ROBO2: variants seen among roughly 807,000 people sequenced by gnomAD.
ROBO2 encodes roundabout homolog 2.
ROBO2 carries 53 observed loss-of-function variants against 160.8 expected under a neutral mutation model. That is an observed-to-expected ratio of 0.33 (90% CI 0.26 to 0.41). ROBO2 has a LOEUF of 0.41. Among genes scored for constraint, ROBO2 ranks in the 10% least tolerant of loss-of-function variants. The pLI is 1.00. For synonymous variants in ROBO2, 664 were observed against 611.7 expected, an observed-to-expected ratio of 1.09 and a Z score of -1.26; for missense variants, 1,577 against 1,722.4, an observed-to-expected ratio of 0.92 and a Z score of 1.49.
rs113141961 is a variant in ROBO2 at position 76,872,508 on chromosome 3, C to T, written c.110-225506C>T. 1.0e-3 allele frequency among the ~76,000 whole-genome samples: 153 copies of T among 151,846 alleles called. 2 individuals are homozygous for T. The highest frequency in any genetic ancestry group is 3.4e-3 in the African/African-American group (143 of 41,470). ...ATTAGAAAGAGATACATAAAGTGCT[C>T]AAGAAATATATTATTTAAATTCTTA... is the stretch of plus-strand genomic sequence containing the variant. On this transcript the variant is annotated intron_variant, in intron 2 of 26. Coordinates refer to the ROBO2 transcript ENST00000487694.
chr3:76,593,799 T>C (rs1250992704), intron 2 of ROBO2, among the ~76,000 whole-genome samples: 1 of 152,012 alleles, frequency 6.6e-6, no homozygotes, highest in Non-Finnish European at 1.5e-5. Flanking sequence ...CATGTTTATT[T>C]ATTATATTTT....
intron 2 of ROBO2, among the ~76,000 whole-genome samples, chr3:76,455,539 A>G (rs1370430365): frequency 6.6e-6 from 1 of 152,060 alleles, no homozygotes; most frequent in Non-Finnish European, 1.5e-5. Context: ...TTAAAAATTA[A>G]TTATCCTCCA....
chr3:76,602,967 G>A lies in ROBO2; in HGVS notation c.110-495047G>A, dbSNP rs114155951. ...TCTAATCTTCTATTTCCTCTCTAACGTGCTCTCAAAGTACTTTAACTTTCC... is the reference window on the plus strand; with the variant it reads ...TCTAATCTTCTATTTCCTCTCTAACATGCTCTCAAAGTACTTTAACTTTCC... On this transcript the variant is annotated intron_variant, in intron 2 of 26. Coordinates refer to the ROBO2 transcript ENST00000487694. Among the ~76,000 whole-genome samples the A allele has an allele frequency of 2.2e-3, 333 of 152,122 alleles. 2 individuals are homozygous for A. Among genetic ancestry groups the A allele is most frequent in the African/African-American group, 7.9e-3 (327 of 41,494 alleles).
chr3:77,078,123 C>T (rs931704017), intron 1 of ROBO2, among the ~76,000 whole-genome samples: 2 of 152,090 alleles, frequency 1.3e-5, no homozygotes, highest in African/African-American at 2.4e-5. Flanking sequence ...GTATACACCT[C>T]AATGCAGCAC....
intron 2 of ROBO2, among the ~76,000 whole-genome samples, chr3:76,290,628 A>G (rs528348341): frequency 6.6e-6 from 1 of 152,170 alleles, no homozygotes; most frequent in African/African-American, 2.4e-5. Flanking sequence ...TCCAGGTGTC[A>G]TCTGTTCAGC....
intron 2 of ROBO2, among the ~76,000 whole-genome samples, chr3:76,075,942 G>T (rs973738316): frequency 2.0e-5 from 3 of 152,220 alleles, no homozygotes; most frequent in Admixed American, 1.3e-4. Flanking sequence ...TTCAAATTCA[G>T]AGCTGTCCAA....
intron 2 of ROBO2, among the ~76,000 whole-genome samples, chr3:76,119,914 C>CCCCCT (rs1576937499): frequency 1.0e-5 from 1 of 95,484 alleles, no homozygotes; most frequent in African/African-American, 4.3e-5. Flanking sequence ...CCTTCCCTCC[C>CCCCCT]TCCCTTCCTT....
At chr3:76,056,423 A>G (rs1419612555) in intron 2 of ROBO2, among the ~76,000 whole-genome samples, 1 of 152,150 alleles carries the variant, frequency 6.6e-6, no homozygotes, top group Non-Finnish European at 1.5e-5. Flanking sequence ...TCTTTAAAAA[A>G]TGGTGCGTTT....
chr3:77,398,688 C>T (rs1444396405), intron 2 of ROBO2, among the ~76,000 whole-genome samples: 1 of 151,896 alleles, frequency 6.6e-6, no homozygotes, highest in Non-Finnish European at 1.5e-5. Context: ...CTCAAGTGAT[C>T]CTTCCATCTC....
chr3:77,289,841 A>G (rs868189468), intron 2 of ROBO2, among the ~76,000 whole-genome samples: 9 of 152,142 alleles, frequency 5.9e-5, no homozygotes, highest in Middle Eastern at 3.4e-3. Context: ...AGGTAAGCTG[A>G]GGCTAGGTCA....
intron 2 of ROBO2, among the ~76,000 whole-genome samples, chr3:76,820,139 A>T (rs530565533): frequency 6.6e-6 from 1 of 152,172 alleles, no homozygotes; most frequent in Non-Finnish European, 1.5e-5. Context: ...TCATGTACAC[A>T]TTTTGATTCA....
chr3:76,028,411 A>G (rs916621696), intron 2 of ROBO2, among the ~76,000 whole-genome samples: 2 of 152,002 alleles, frequency 1.3e-5, no homozygotes, highest in East Asian at 1.9e-4. Context: ...TTAAGCTTCT[A>G]AGTGAGGTTA....
At chr3:77,549,541 C>T (rs1462168138) in intron 7 of ROBO2, among the ~76,000 whole-genome samples, 1 of 152,076 alleles carries the variant, frequency 6.6e-6, no homozygotes, top group African/African-American at 2.4e-5. Context: ...GCAAACATCA[C>T]TCGTTTTAGA....
intron 2 of ROBO2, among the ~76,000 whole-genome samples, chr3:76,636,127 GTATT>G (rs901527982): frequency 6.6e-6 from 1 of 152,140 alleles, no homozygotes; most frequent in Non-Finnish European, 1.5e-5. Flanking sequence ...ATAATATTAT[GTATT>G]TATTTCCATC....
chr3:76,375,965 C>T (rs962633159), intron 2 of ROBO2, among the ~76,000 whole-genome samples: 1 of 151,920 alleles, frequency 6.6e-6, no homozygotes, highest in Non-Finnish European at 1.5e-5. Flanking sequence ...TTCATAGGTA[C>T]TTGGATTCTG....
At chr3:77,467,512 G>A (rs1200500347) in intron 2 of ROBO2, among the ~76,000 whole-genome samples, 1 of 152,020 alleles carries the variant, frequency 6.6e-6, no homozygotes, top group Non-Finnish European at 1.5e-5. Flanking sequence ...GCAGACAGAT[G>A]GTTATTTGTA....
At chr3:77,636,364 C>T (rs138207087) in intron 24 of ROBO2, among the ~76,000 whole-genome samples, 166 of 152,094 alleles carry the variant, frequency 1.1e-3, no homozygotes, top group African/African-American at 3.6e-3. Flanking sequence ...GAGGCTGAGG[C>T]GGGCAGATCA....
chr3:76,346,553 C>T (rs1172310774), intron 2 of ROBO2, among the ~76,000 whole-genome samples: 3 of 152,050 alleles, frequency 2.0e-5, no homozygotes, highest in African/African-American at 7.2e-5. Context: ...TCTACAGTTG[C>T]ATAATATAGC....
intron 1 of ROBO2, among the ~76,000 whole-genome samples, chr3:75,935,490 G>A (rs1371324181): frequency 1.3e-5 from 2 of 152,132 alleles, no homozygotes; most frequent in South Asian, 4.2e-4. Context: ...TCCAGCCAGA[G>A]CAACAGAGGG....
Sources: allele counts gnomAD v4.1 joint callset (sites outside exome capture counted in the v4.1 genomes callset), GRCh38; gene constraint gnomAD v4.1.1; transcripts MANE v1.5; gene names NCBI Gene and HGNC (gene_info 2026-07-23, HGNC 2026-07-21).